The following ARB2A variants were observed in gnomAD, a reference collection of about 807,000 sequenced individuals.
ARB2A encodes cotranscriptional regulator ARB2A.
chr5:93,848,348 A>G, the ARB2A span, among the ~76,000 whole-genome samples: 1 of 151,536 alleles, frequency 6.6e-6, no homozygotes, highest in Non-Finnish European at 1.5e-5. Context: ...GTGCCACTGC[A>G]CTCTAGCTTG....
At chr5:94,036,191 A>G in the ARB2A span, among the ~76,000 whole-genome samples, 5 of 152,158 alleles carry the variant, frequency 3.3e-5, no homozygotes, top group Admixed American at 2.0e-4. Flanking sequence ...ATTTAAGCTC[A>G]TATGTTTCAT....
the ARB2A span, among the ~76,000 whole-genome samples, chr5:93,911,245 A>G: frequency 6.6e-6 from 1 of 151,624 alleles, no homozygotes; most frequent in African/African-American, 2.4e-5. Flanking sequence ...TTTTGAAACC[A>G]CTAAATTTGT....
At chr5:93,819,411 T>C in the ARB2A span, among the ~76,000 whole-genome samples, 33 of 152,278 alleles carry the variant, frequency 2.2e-4, no homozygotes, top group East Asian at 6.4e-3. Context: ...TGAAGTTATA[T>C]TACAAATGGC....
chr5:93,685,658 C>T, the ARB2A span, among the ~76,000 whole-genome samples: 1 of 152,038 alleles, frequency 6.6e-6, no homozygotes, highest in Non-Finnish European at 1.5e-5. Flanking sequence ...TAAGCCTCAC[C>T]CAGGATTTAC....
chr5:93,825,461 A>G, the ARB2A span, among the ~76,000 whole-genome samples: 7,044 of 152,236 alleles, frequency 0.046, 274 homozygotes, highest in East Asian at 0.14. Context: ...TAAAGCATCA[A>G]TGATTTTACC....
At chr5:93,848,848 T>C in the ARB2A span, among the ~76,000 whole-genome samples, 3 of 152,206 alleles carry the variant, frequency 2.0e-5, no homozygotes, top group Admixed American at 2.0e-4. Flanking sequence ...GTGCATTGTT[T>C]CAAATCAATA....
the ARB2A span, among the ~76,000 whole-genome samples, chr5:93,681,831 G>A: frequency 2.6e-5 from 4 of 152,112 alleles, no homozygotes; most frequent in South Asian, 4.1e-4. Context: ...AGAAAAGAGA[G>A]GAATCTAAAC....
chr5:93,805,521 A>G, the ARB2A span: 2 of 985,146 alleles, frequency 2.0e-6, no homozygotes, highest in Non-Finnish European at 2.4e-6. Flanking sequence ...GGTCCTGAGT[A>G]TGACCTGAGC....
At chr5:94,034,893 T>G in the ARB2A span, among the ~76,000 whole-genome samples, 1 of 152,072 alleles carries the variant, frequency 6.6e-6, no homozygotes, top group Non-Finnish European at 1.5e-5. Flanking sequence ...AGCATAATAT[T>G]CTCATAGGAA....
chr5:93,795,854 A>G, the ARB2A span, among the ~76,000 whole-genome samples: 1 of 152,168 alleles, frequency 6.6e-6, no homozygotes, highest in Non-Finnish European at 1.5e-5. Context: ...AAAGCAAAAA[A>G]AAAAAAAAAT....
the ARB2A span, among the ~76,000 whole-genome samples, chr5:93,699,496 G>A: frequency 1.3e-5 from 2 of 152,096 alleles, no homozygotes; most frequent in Admixed American, 6.6e-5. Context: ...TGCACTAGGA[G>A]CAGCTCTTTG....
the ARB2A span, chr5:94,053,139 A>G: frequency 6.3e-7 from 1 of 1,583,952 alleles, no homozygotes; most frequent in Non-Finnish European, 8.6e-7. Context: ...CATTAAAAGC[A>G]TATTCAAATC....
the ARB2A span, among the ~76,000 whole-genome samples, chr5:93,908,350 TAA>T: frequency 2.0e-5 from 3 of 150,964 alleles, no homozygotes; most frequent in African/African-American, 7.3e-5. Context: ...TTAGTTTTAT[TAA>T]AAGTCTGAGA....
At chr5:94,070,532 T>C in the ARB2A span, among the ~76,000 whole-genome samples, 1 of 152,080 alleles carries the variant, frequency 6.6e-6, no homozygotes, top group Non-Finnish European at 1.5e-5. Context: ...CTTGGGGCAA[T>C]GGATAATGGA....
chr5:93,853,870 T>C, the ARB2A span, among the ~76,000 whole-genome samples: 4 of 152,362 alleles, frequency 2.6e-5, no homozygotes, highest in East Asian at 1.9e-4. Flanking sequence ...CAGTATTTTA[T>C]TGAGGATTTT....
At chr5:93,739,840 G>GCT in the ARB2A span, 1 of 152,122 alleles carries the variant, frequency 6.6e-6, no homozygotes, top group Non-Finnish European at 1.5e-5. Flanking sequence ...TGGGACCGAA[G>GCT]CTCTGAAGTC....
At chr5:93,890,229 T>G in the ARB2A span, among the ~76,000 whole-genome samples, 1 of 151,842 alleles carries the variant, frequency 6.6e-6, no homozygotes, top group Non-Finnish European at 1.5e-5. Context: ...TAAAAACAAA[T>G]GGGATAATTA....
chr5:93,964,325 CA>C, the ARB2A span: 1 of 604,848 alleles, frequency 1.7e-6, no homozygotes, highest in African/African-American at 1.9e-5. Flanking sequence ...TTATCGCTAT[CA>C]ACACAATAAA....
chr5:94,011,997 G>C, the ARB2A span, among the ~76,000 whole-genome samples: 1 of 149,884 alleles, frequency 6.7e-6, no homozygotes, highest in Admixed American at 6.7e-5. Flanking sequence ...GTTCAGATAG[G>C]TAAAGGGAAA....
Sources: allele counts gnomAD v4.1 joint callset (sites outside exome capture counted in the v4.1 genomes callset), GRCh38; gene constraint gnomAD v4.1.1; transcripts MANE v1.5; gene names NCBI Gene and HGNC (gene_info 2026-07-23, HGNC 2026-07-21).